The following SLC4A5 variants were observed in gnomAD, a reference collection of about 807,000 sequenced individuals.
SLC4A5 encodes the protein solute carrier family 4 member 5.
SLC4A5 carries 96 observed loss-of-function variants against 120.4 expected under a neutral mutation model. The observed-to-expected ratio is 0.80, with a 90% CI of 0.68 to 0.94. SLC4A5 has a LOEUF of 0.94. Ranked by LOEUF, SLC4A5 falls within the 40% of genes least tolerant of loss-of-function variation. SLC4A5 has a pLI of 0.00. For synonymous variants in SLC4A5, 550 were observed against 571.1 expected (o/e 0.96, Z 0.53); for missense variants, 1,259 against 1,459.5 (o/e 0.86, Z 2.24).
intron 16 of SLC4A5, among the ~76,000 whole-genome samples, chr2:74,251,054 T>C (rs967652708): frequency 6.6e-6 from 1 of 152,228 alleles, no homozygotes; most frequent in Non-Finnish European, 1.5e-5. Flanking sequence ...GCTATTCCCA[T>C]AGCCCCTAAT....
At chr2:74,280,038 G>C (rs1671761995) in intron 8 of SLC4A5, among the ~76,000 whole-genome samples, 1 of 152,086 alleles carries the variant, frequency 6.6e-6, no homozygotes, top group African/African-American at 2.4e-5. Flanking sequence ...GCACGATTCT[G>C]TCCTTTTCCC....
chr2:74,308,016 G>A (rs761787161), intron 6 of SLC4A5: 28 of 538,458 alleles, frequency 5.2e-5, no homozygotes, highest in Non-Finnish European at 8.2e-5. Context: ...CATGCTGTCC[G>A]GGGAGGAGAG....
At chr2:74,226,935 G>GGGAA in intron 27 of SLC4A5, 22 bp downstream of exon 27, 15 of 1,606,840 alleles carry the variant, frequency 9.3e-6, no homozygotes, top group Non-Finnish European at 1.3e-5. Context: ...AGGCAGGAGG[G>GGGAA]GGAAGCCCGT....
At chr2:74,239,034 T>C (rs962589474) in intron 21 of SLC4A5, among the ~76,000 whole-genome samples, 3 of 152,212 alleles carry the variant, frequency 2.0e-5, no homozygotes, top group African/African-American at 7.2e-5. Flanking sequence ...ATTGGGCATG[T>C]GGCCAATAAA....
At chr2:74,290,266 G>C in intron 7 of SLC4A5, 1 of 985,556 alleles carries the variant, frequency 1.0e-6, no homozygotes, top group South Asian at 4.7e-5. Flanking sequence ...ACAGCTGAGC[G>C]CTGGGGTCCC....
At chr2:74,340,569 T>C (rs1673601192) in intron 2 of SLC4A5, among the ~76,000 whole-genome samples, 1 of 151,248 alleles carries the variant, frequency 6.6e-6, no homozygotes, top group African/African-American at 2.4e-5. Flanking sequence ...ATAAATGGGG[T>C]GGGTGTAGGA....
chr2:74,227,487 G>C (rs759835338), intron 26 of SLC4A5: 2 of 1,603,310 alleles, frequency 1.2e-6, no homozygotes, highest in Non-Finnish European at 1.7e-6. Context: ...CTGCCTTAGG[G>C]AAGAGAGAGA....
intron 7 of SLC4A5, among the ~76,000 whole-genome samples, chr2:74,294,646 G>A (rs952523979): frequency 2.6e-5 from 4 of 151,620 alleles, no homozygotes; most frequent in African/African-American, 4.9e-5. Context: ...GGAGAAAGGA[G>A]AGAAGAAAAT....
In SLC4A5 at chr2:74,254,501, G is replaced by A. The variant is rs531237726; in HGVS notation, c.1113+118C>T. ...CTCATAATCTTTAGCATCCTATGTAGTGCCTGGTACACAGTAGGTGCTCAA... is the reference window on the plus strand; with the variant it reads ...CTCATAATCTTTAGCATCCTATGTAATGCCTGGTACACAGTAGGTGCTCAA... On this transcript the variant is annotated intron_variant, in intron 14 of 30. Transcript: ENST00000394019. 2.8e-5 allele frequency: 21 copies of A among 762,272 alleles called. No individual in the cohort carries two copies. In the South Asian group the frequency reaches 3.1e-4, roughly 11 times the overall value. 47.2% of individuals were successfully genotyped at this position (762,272 alleles called of 1,614,324 possible).
chr2:74,246,624 G>A (rs1023519016), intron 19 of SLC4A5, among the ~76,000 whole-genome samples: 5 of 152,192 alleles, frequency 3.3e-5, no homozygotes, highest in African/African-American at 1.2e-4. Context: ...ACGGTATGTG[G>A]CCACACGGGC....
chr2:74,259,996 G>A (rs764252780), intron 11 of SLC4A5, among the ~76,000 whole-genome samples: 3 of 152,210 alleles, frequency 2.0e-5, no homozygotes, highest in Non-Finnish European at 2.9e-5. Context: ...GCATTATTAG[G>A]TGAGGTTCCA....
chr2:74,329,332 G>A (rs143234804), intron 4 of SLC4A5, among the ~76,000 whole-genome samples: 140 of 152,114 alleles, frequency 9.2e-4, no homozygotes, highest in African/African-American at 3.2e-3. Flanking sequence ...GCTCACGCCC[G>A]TAATCCCAGC....
At chr2:74,305,204 A>G (rs765120020) in intron 6 of SLC4A5, among the ~76,000 whole-genome samples, 6 of 152,230 alleles carry the variant, frequency 3.9e-5, no homozygotes, top group Non-Finnish European at 8.8e-5. Context: ...CAAGAGCCCT[A>G]ATTCAGAATC....
At position 74,222,933 on chromosome 2, in the gene SLC4A5, G is replaced by A. The variant is rs774999444; in HGVS notation, c.3266C>T (p.Ser1089Leu). 2.2e-5 allele frequency: 35 copies of A among 1,612,014 alleles called. No individual in the cohort carries two copies. The Admixed American group carries it at 5.4e-4, about 25-fold the overall frequency. ...ACTTTCCATGGGAATCTTTATAACCGAGGGAGGAGGGAACTGGGGCTGGAG... is the reference window on the plus strand; with the variant it reads ...ACTTTCCATGGGAATCTTTATAACCAAGGGAGGAGGGAACTGGGGCTGGAG... The change falls in exon 29 of 31, where the codon TCG (serine) becomes TTG (leucine). Residue 1089 changes from serine to leucine, a missense_variant. Ser to Leu is a moderately radical substitution (Grantham distance 145). Transcript: ENST00000394019.
At chr2:74,222,197 AC>A (rs1694674512) in intron 29 of SLC4A5, among the ~76,000 whole-genome samples, 2 of 152,266 alleles carry the variant, frequency 1.3e-5, no homozygotes, top group Middle Eastern at 3.4e-3. Flanking sequence ...TTCAACAGCC[AC>A]TGGAAAACAT....
At chr2:74,226,930 G>A in intron 27 of SLC4A5, 27 bp downstream of exon 27, 1 of 1,604,118 alleles carries the variant, frequency 6.2e-7, no homozygotes, top group Non-Finnish European at 8.5e-7. Flanking sequence ...CTGCCAGGCA[G>A]GAGGGGGAAG....
In SLC4A5 at chr2:74,285,745, C is replaced by A. The variant is rs766830835; in HGVS notation, c.401+28G>T. On this transcript the variant is annotated intron_variant, in intron 8 of 30. Transcript: ENST00000394019. Reference sequence around the variant, plus strand: ...CCCAGGCTGTGTGAGACTGAAGTGCCCACCTCCCTCGTGGGGCCCCGCCTC... The same window carrying A: ...CCCAGGCTGTGTGAGACTGAAGTGCACACCTCCCTCGTGGGGCCCCGCCTC... 4.4e-6 allele frequency: 7 copies of A among 1,604,310 alleles called. No homozygotes were observed. In the South Asian group the frequency reaches 7.7e-5, roughly 18 times the overall value.
exon 15 of SLC4A5, chr2:74,253,109 T>C (rs1199899473): frequency 6.2e-7 from 1 of 1,614,090 alleles, no homozygotes; most frequent in Non-Finnish European, 8.5e-7. Flanking sequence ...GCGGGCTTTG[T>C]AGGCCACGTC....
chr2:74,245,802 AT>A (rs533652243), intron 19 of SLC4A5, among the ~76,000 whole-genome samples: 5 of 152,030 alleles, frequency 3.3e-5, no homozygotes, highest in African/African-American at 9.7e-5. Context: ...TTGACTTATG[AT>A]TTTTTTTACC....
Sources: allele counts gnomAD v4.1 joint callset (sites outside exome capture counted in the v4.1 genomes callset), GRCh38; gene constraint gnomAD v4.1.1; transcripts MANE v1.5; gene names NCBI Gene and HGNC (gene_info 2026-07-23, HGNC 2026-07-21).